The following SAMD12 variants were observed in gnomAD, a reference collection of about 807,000 sequenced individuals.
SAMD12 encodes the protein sterile alpha motif domain-containing protein 12.
SAMD12 carries 9 observed loss-of-function variants against 15.0 expected under a neutral mutation model. The ratio of observed to expected loss-of-function variants is 0.60; its 90% CI spans 0.36 to 1.05. The LOEUF (loss-of-function observed/expected upper bound fraction) is 1.05. Ranked by LOEUF, SAMD12 falls within the 50% of genes least tolerant of loss-of-function variation. The pLI is 0.01. For missense variants in SAMD12, 230 were observed against 234.2 expected, an observed-to-expected ratio of 0.98 and a Z score of 0.12; for synonymous variants, 86 against 90.1, an observed-to-expected ratio of 0.96 and a Z score of 0.25.
intron 4 of SAMD12, among the ~76,000 whole-genome samples, chr8:118,325,262 C>A (rs28399719): frequency 6.6e-6 from 1 of 152,088 alleles, no homozygotes; most frequent in African/African-American, 2.4e-5. Context: ...AGGAATGCCA[C>A]AAATGTAGCT....
chr8:118,432,351 G>A (rs762333608), intron 3 of SAMD12, among the ~76,000 whole-genome samples: 3 of 152,096 alleles, frequency 2.0e-5, no homozygotes, highest in Non-Finnish European at 4.4e-5. Flanking sequence ...TCAGTAATAG[G>A]AACTTGGGAG....
At chr8:118,416,937 G>GA (rs901827052) in intron 3 of SAMD12, among the ~76,000 whole-genome samples, 2 of 151,970 alleles carry the variant, frequency 1.3e-5, no homozygotes, top group African/African-American at 4.8e-5. Context: ...CAAACTTGGG[G>GA]AAAAAAATGC....
intron 2 of SAMD12, among the ~76,000 whole-genome samples, chr8:118,503,290 C>A (rs1362129253): frequency 6.6e-6 from 1 of 152,124 alleles, no homozygotes; most frequent in Non-Finnish European, 1.5e-5. Context: ...AATGAGCTCT[C>A]CTACCAGTAG....
intron 4 of SAMD12, among the ~76,000 whole-genome samples, chr8:118,336,324 A>G (rs1233814489): frequency 1.3e-5 from 2 of 152,248 alleles, no homozygotes; most frequent in Non-Finnish European, 1.5e-5. Flanking sequence ...TGGATAGGTC[A>G]TACATGGTTT....
intron 1 of SAMD12, among the ~76,000 whole-genome samples, chr8:118,618,894 C>T (rs940241785): frequency 6.6e-6 from 1 of 151,780 alleles, no homozygotes; most frequent in African/African-American, 2.4e-5. Context: ...GTAGTGAGCC[C>T]ATTTTTTCCA....
intron 4 of SAMD12, among the ~76,000 whole-genome samples, chr8:118,241,121 G>A (rs1812552466): frequency 6.6e-6 from 1 of 152,050 alleles, no homozygotes; most frequent in Non-Finnish European, 1.5e-5. Context: ...TGTCTTTATG[G>A]TCTGCACCGA....
intron 4 of SAMD12, among the ~76,000 whole-genome samples, chr8:118,275,197 T>C (rs1813443805): frequency 6.6e-6 from 1 of 152,160 alleles, no homozygotes; most frequent in African/African-American, 2.4e-5. Flanking sequence ...AGAATAATTT[T>C]TTTATATTTA....
At chr8:118,548,414 CA>C (rs1272865320) in intron 2 of SAMD12, among the ~76,000 whole-genome samples, 1,510 of 148,406 alleles carry the variant, frequency 0.01, 29 homozygotes, top group African/African-American at 0.035. Flanking sequence ...CACACACACA[CA>C]CACACACACC....
chr8:118,491,643 T>C (rs1824442997), intron 2 of SAMD12, among the ~76,000 whole-genome samples: 1 of 152,192 alleles, frequency 6.6e-6, no homozygotes, highest in Non-Finnish European at 1.5e-5. Flanking sequence ...TTTTATTTTC[T>C]ATCATTATAG....
At chr8:118,150,352 A>T in the SAMD12 span, among the ~76,000 whole-genome samples, 4 of 152,106 alleles carry the variant, frequency 2.6e-5, no homozygotes, top group Non-Finnish European at 5.9e-5. Flanking sequence ...TCTACATGTT[A>T]TAAATATTAC....
At chr8:118,243,331 G>T (rs1399209976) in intron 4 of SAMD12, among the ~76,000 whole-genome samples, 2 of 152,006 alleles carry the variant, frequency 1.3e-5, no homozygotes, top group African/African-American at 4.8e-5. Flanking sequence ...TGAAAACAAG[G>T]AGGGGAAAAA....
intron 4 of SAMD12, among the ~76,000 whole-genome samples, chr8:118,366,628 C>T (rs1416292807): frequency 6.6e-6 from 1 of 151,732 alleles, no homozygotes; most frequent in Non-Finnish European, 1.5e-5. Context: ...GCCTGACCAA[C>T]ATGGTGAAAT....
chr8:118,291,410 CA>C (rs1814357217), intron 4 of SAMD12: 1 of 151,848 alleles, frequency 6.6e-6, no homozygotes, highest in Non-Finnish European at 1.5e-5. Context: ...ATTTAGTAAA[CA>C]ATGTTCTCAA....
chr8:118,407,616 C>T (rs1821198446), intron 3 of SAMD12, among the ~76,000 whole-genome samples: 1 of 152,068 alleles, frequency 6.6e-6, no homozygotes, highest in South Asian at 2.1e-4. Context: ...TTAAACTAAC[C>T]AACTAGGAAT....
rs1819667274 is a variant in SAMD12, at chr8:118,199,976, TG to T, written c.434-2245del. 2.0e-5 allele frequency among the ~76,000 whole-genome samples: 3 copies of T among 152,058 alleles called. No homozygotes were observed. In the South Asian group the frequency reaches 6.2e-4, roughly 32 times the overall value. ...CCCACGCATTGTGGGGAGAACCCGGTGGGAGATAATTGAACCATGGGGGCAG... is the reference window on the plus strand; with the variant it reads ...CCCACGCATTGTGGGGAGAACCCGGTGGAGATAATTGAACCATGGGGGCAG... On this transcript the variant is annotated intron_variant, in intron 4 of 4. Transcript: ENST00000409003.
chr8:118,425,185 G>C (rs557547082), intron 3 of SAMD12, among the ~76,000 whole-genome samples: 1 of 152,090 alleles, frequency 6.6e-6, no homozygotes, highest in Admixed American at 6.5e-5. Flanking sequence ...TGATCTGCCC[G>C]CCTTGGCCTC....
chr8:118,596,901 C>CA (rs368946214), intron 1 of SAMD12, among the ~76,000 whole-genome samples: 89 of 152,286 alleles, frequency 5.8e-4, no homozygotes, highest in African/African-American at 2.0e-3. Context: ...AGAGCATTGA[C>CA]AGGCTTGTGT....
At chr8:118,513,833 C>T (rs1825152985) in intron 2 of SAMD12, among the ~76,000 whole-genome samples, 1 of 152,138 alleles carries the variant, frequency 6.6e-6, no homozygotes, top group African/African-American at 2.4e-5. Context: ...CACTTGCCCT[C>T]AGTTTTGGGG....
chr8:118,535,356 C>T (rs1314112402), intron 2 of SAMD12, among the ~76,000 whole-genome samples: 1 of 152,242 alleles, frequency 6.6e-6, no homozygotes, highest in Non-Finnish European at 1.5e-5. Context: ...CAGTCTGCCC[C>T]TACTGGAAGA....
Sources: allele counts gnomAD v4.1 joint callset (sites outside exome capture counted in the v4.1 genomes callset), GRCh38; gene constraint gnomAD v4.1.1; transcripts MANE v1.5; gene names NCBI Gene and HGNC (gene_info 2026-07-23, HGNC 2026-07-21).